Variants in CTNNA3 observed in about 807,000 individuals in gnomAD.
CTNNA3 encodes the protein catenin alpha-3.
In CTNNA3, 76 loss-of-function variants were observed where a neutral mutation model predicts 95.7. The observed-to-expected ratio is 0.79, with a 90% CI of 0.66 to 0.96. CTNNA3 has a LOEUF of 0.96. CTNNA3 is among the 40% of genes least tolerant of loss of function. CTNNA3 has a pLI of 0.00. For missense variants in CTNNA3, 1,191 were observed against 1,089.8 expected, an observed-to-expected ratio of 1.09 and a Z score of -1.31; for synonymous variants, 431 against 374.4, an observed-to-expected ratio of 1.15 and a Z score of -1.74.
chr10:67,177,049 A>C, intron 7 of CTNNA3: 1 of 452,102 alleles, frequency 2.2e-6, no homozygotes, highest in Non-Finnish European at 4.4e-6. Context: ...CAGCAGCAAT[A>C]GAAAACTAAC....
At chr10:66,003,626 G>C (rs908528488) in intron 15 of CTNNA3, among the ~76,000 whole-genome samples, 1 of 151,980 alleles carries the variant, frequency 6.6e-6, no homozygotes, top group African/African-American at 2.4e-5. Flanking sequence ...TTATATTGTG[G>C]GCAAAATAGA....
At chr10:66,498,147 A>G (rs1486542631) in intron 11 of CTNNA3, among the ~76,000 whole-genome samples, 2 of 152,066 alleles carry the variant, frequency 1.3e-5, no homozygotes, top group Non-Finnish European at 2.9e-5. Flanking sequence ...AAAGTAAATC[A>G]TATTTCTGAC....
intron 7 of CTNNA3, among the ~76,000 whole-genome samples, chr10:66,781,060 C>T (rs1280137900): frequency 6.6e-6 from 1 of 152,138 alleles, no homozygotes; most frequent in South Asian, 2.1e-4. Context: ...AATAGGAAGG[C>T]CATGATGCTC....
At chr10:66,057,991 C>T (rs748769696) in intron 15 of CTNNA3, among the ~76,000 whole-genome samples, 17 of 152,086 alleles carry the variant, frequency 1.1e-4, no homozygotes, top group Non-Finnish European at 2.1e-4. Flanking sequence ...AATCATAAGA[C>T]ATAGACTGTT....
chr10:66,799,761 T>C (rs535000582), intron 7 of CTNNA3, among the ~76,000 whole-genome samples: 8 of 151,360 alleles, frequency 5.3e-5, no homozygotes, highest in Admixed American at 6.6e-5. Context: ...GATTCAAAAA[T>C]CTCAGTGAGC....
chr10:67,011,768 G>A (rs1852355263), intron 7 of CTNNA3, among the ~76,000 whole-genome samples: 2 of 152,072 alleles, frequency 1.3e-5, no homozygotes, highest in Non-Finnish European at 2.9e-5. Flanking sequence ...TAGGAGGTAG[G>A]TATTATCATC....
intron 13 of CTNNA3, among the ~76,000 whole-genome samples, chr10:66,256,105 A>G (rs1433636695): frequency 2.0e-5 from 3 of 152,194 alleles, no homozygotes; most frequent in African/African-American, 7.2e-5. Flanking sequence ...GTGAGATTAT[A>G]TAATAACTTG....
At chr10:66,471,816 C>T (rs1839144524) in intron 11 of CTNNA3, among the ~76,000 whole-genome samples, 1 of 151,700 alleles carries the variant, frequency 6.6e-6, no homozygotes, top group Non-Finnish European at 1.5e-5. Context: ...CCCATGCTGT[C>T]CTTACACTGA....
chr10:66,407,296 C>T (rs1420603272), intron 11 of CTNNA3, among the ~76,000 whole-genome samples: 3 of 151,752 alleles, frequency 2.0e-5, no homozygotes, highest in East Asian at 3.9e-4. Context: ...TCTAAAAAAA[C>T]CTATATTTTA....
At chr10:66,077,893 G>A (rs369905403) in intron 14 of CTNNA3, among the ~76,000 whole-genome samples, 3 of 151,478 alleles carry the variant, frequency 2.0e-5, no homozygotes, top group Non-Finnish European at 4.4e-5. Flanking sequence ...TATATTGAAG[G>A]GTTGGTAAAT....
intron 9 of CTNNA3, among the ~76,000 whole-genome samples, chr10:66,711,942 C>T (rs776369485): frequency 3.9e-5 from 6 of 152,036 alleles, no homozygotes; most frequent in Non-Finnish European, 8.8e-5. Flanking sequence ...TTTACTCTTT[C>T]TTTTTGCCTT....
chr10:67,289,759 AATGG>A (rs920303037), intron 5 of CTNNA3, among the ~76,000 whole-genome samples: 2 of 145,846 alleles, frequency 1.4e-5, no homozygotes, highest in South Asian at 2.1e-4. Context: ...AGGATGGATG[AATGG>A]ATGGATGGAT....
At chr10:67,562,518 C>G (rs1351142976) in intron 3 of CTNNA3, among the ~76,000 whole-genome samples, 1 of 152,094 alleles carries the variant, frequency 6.6e-6, no homozygotes, top group Admixed American at 6.5e-5. Context: ...TATGACAAAC[C>G]CACAGCCAAT....
At position 65,930,199 on chromosome 10, in the gene CTNNA3, T is replaced by TAA. The variant is rs71472402; in HGVS notation, c.2401-9584_2401-9583dup. On this transcript the variant is annotated intron_variant, in intron 17 of 17. Coordinates refer to ENST00000433211, the MANE Select transcript of CTNNA3 (RefSeq NM_013266.4). ...GGTGAGTGTATCAGTCAGAGCTCAGTAAAAAAAAAAAAAAAAAAAAAAAAA... is the reference window on the plus strand; with the variant it reads ...GGTGAGTGTATCAGTCAGAGCTCAGTAAAAAAAAAAAAAAAAAAAAAAAAAAA... 6.6e-3 allele frequency among the ~76,000 whole-genome samples: 403 copies of TAA among 60,726 alleles called. 21 individuals are homozygous for TAA. The highest frequency in any genetic ancestry group is 0.019 in the African/African-American group (323 of 17,250). 39.8% of individuals were successfully genotyped at this position (60,726 alleles called of 152,430 possible).
chr10:67,372,808 T>C (rs1843530770), intron 5 of CTNNA3, among the ~76,000 whole-genome samples: 5 of 152,194 alleles, frequency 3.3e-5, no homozygotes, highest in African/African-American at 1.2e-4. Context: ...CAGAAGAGAC[T>C]GGGGGCCAAT....
At chr10:67,500,259 C>T (rs1447731553) in intron 5 of CTNNA3, among the ~76,000 whole-genome samples, 1 of 152,184 alleles carries the variant, frequency 6.6e-6, no homozygotes, top group Non-Finnish European at 1.5e-5. Flanking sequence ...TCTCTTAAAC[C>T]TGAGTTCTAA....
At chr10:66,665,304 AT>A (rs1302889814) in intron 9 of CTNNA3, among the ~76,000 whole-genome samples, 6 of 152,346 alleles carry the variant, frequency 3.9e-5, no homozygotes, top group South Asian at 2.1e-4. Flanking sequence ...GATAAAAAGC[AT>A]TGGATTTCTG....
chr10:66,203,905 C>A (rs745387259), intron 13 of CTNNA3, among the ~76,000 whole-genome samples: 2 of 151,880 alleles, frequency 1.3e-5, no homozygotes, highest in Non-Finnish European at 2.9e-5. Flanking sequence ...CTTTACACAC[C>A]CCCATGAAGA....
chr10:67,433,919 T>C (rs1023607032), intron 5 of CTNNA3, among the ~76,000 whole-genome samples: 3 of 152,046 alleles, frequency 2.0e-5, no homozygotes, highest in Admixed American at 6.6e-5. Context: ...TACTAAGTAC[T>C]AGGCAGTCAG....
Sources: gnomAD v4.1 joint callset for allele counts (sites outside exome capture counted in the v4.1 genomes callset) on GRCh38, gnomAD v4.1.1 for gene constraint, MANE v1.5 for transcripts, NCBI Gene and HGNC (gene_info 2026-07-23, HGNC 2026-07-21) for gene names.